The following NXN variants were observed in gnomAD, a reference collection of about 807,000 sequenced individuals.
The protein encoded by NXN is nucleoredoxin 1.
In NXN, 16 loss-of-function variants were observed where a neutral mutation model predicts 48.6. That is an observed-to-expected ratio of 0.33 (90% CI 0.22 to 0.50). NXN has a LOEUF of 0.50. Ranked by LOEUF, NXN falls within the 20% of genes least tolerant of loss-of-function variation. The probability of loss-of-function intolerance (pLI) is 0.98; values close to 1 mark genes in which losing one functional copy is unlikely to be tolerated. For missense variants in NXN, 492 were observed against 605.5 expected (o/e 0.81, Z 1.97); for synonymous variants, 281 against 269.6 (o/e 1.04, Z -0.41).
intron 1 of NXN, among the ~76,000 whole-genome samples, chr17:842,767 C>T (rs375759036): frequency 6.6e-6 from 1 of 152,094 alleles, no homozygotes; most frequent in Admixed American, 6.5e-5. Flanking sequence ...GTGAAACCCC[C>T]GTCTCTACCA....
intron 1 of NXN, among the ~76,000 whole-genome samples, chr17:855,005 G>A (rs546261018): frequency 6.6e-6 from 1 of 152,108 alleles, no homozygotes; most frequent in East Asian, 1.9e-4. Context: ...GCTGAGTGCA[G>A]AGGCTCACAC....
intron 1 of NXN, among the ~76,000 whole-genome samples, chr17:966,188 A>G (rs373239963): frequency 3.9e-5 from 6 of 152,172 alleles, no homozygotes; most frequent in African/African-American, 1.2e-4. Flanking sequence ...TCTACATAAC[A>G]TCTACAACAA....
rs2069491013 is a variant in NXN, at chr17:978,661, G to A, written c.360+658C>T. ...GCGGGGGAGGCGGGGGCGGGAGACG[G>A]AGCCGTGAGCGCCCTTCTCGGCCAC... On this transcript the variant is annotated intron_variant, in intron 1 of 7. Transcript: ENST00000336868. This position sits in a 1 kb window ranked among gnomAD's most constrained non-coding sequence, Gnocchi z 4.1. 6.6e-6 allele frequency: 1 copy of A among 152,246 alleles called. No individual in the cohort carries two copies. The highest frequency in any genetic ancestry group is 1.5e-5 in the Non-Finnish European group (1 of 68,076). The allele number at this position is 152,246 out of a possible 1,614,324, so 9.4% of individuals were successfully genotyped here.
intron 1 of NXN, among the ~76,000 whole-genome samples, chr17:960,964 T>C (rs1043285928): frequency 6.6e-6 from 1 of 151,648 alleles, no homozygotes; most frequent in Non-Finnish European, 1.5e-5. Flanking sequence ...TTTTCTATTT[T>C]TAGTAGAGAC....
rs1480725557 is a variant in NXN, at chr17:889,711, G to GAA, written c.361-63635_361-63634dup. ...GAAGAAAGAAAGAAAAAGAAAGAAA[G>GAA]AAAGAAAGAAAGAAAGAAAGAAAGA... On this transcript the variant is annotated intron_variant, in intron 1 of 7. Transcript: ENST00000336868. Among the ~76,000 whole-genome samples, 144 of 45,454 alleles carry GAA rather than the reference G, an allele frequency of 3.2e-3. 1 individual carries two copies. The highest frequency in any genetic ancestry group is 0.016 in the African/African-American group (137 of 8,488). 29.8% of individuals were successfully genotyped at this position (45,454 alleles called of 152,430 possible).
At chr17:831,206 T>G (rs1175990929) in intron 1 of NXN, among the ~76,000 whole-genome samples, 1 of 151,152 alleles carries the variant, frequency 6.6e-6, no homozygotes, top group East Asian at 2.0e-4. Context: ...ACACCTGTAA[T>G]CCCAGCACTT....
intron 7 of NXN, among the ~76,000 whole-genome samples, chr17:803,043 G>A (rs968324136): frequency 2.0e-5 from 3 of 152,206 alleles, no homozygotes; most frequent in South Asian, 2.1e-4. Context: ...TCGCGGAGAC[G>A]CCCGTCTGCA....
intron 1 of NXN, among the ~76,000 whole-genome samples, chr17:924,480 G>T (rs552820393): frequency 5.3e-5 from 8 of 152,292 alleles, no homozygotes; most frequent in Admixed American, 2.6e-4. Flanking sequence ...CAGGTGATCC[G>T]CCCACCTCGG....
intron 1 of NXN, among the ~76,000 whole-genome samples, chr17:838,197 T>A (rs1913937997): frequency 7.1e-6 from 1 of 140,544 alleles, no homozygotes; most frequent in Non-Finnish European, 1.5e-5. Context: ...AGTGGCTCGA[T>A]CTCTGCTCAC....
chr17:961,310 G>A (rs1053981438), intron 1 of NXN, among the ~76,000 whole-genome samples: 3 of 151,908 alleles, frequency 2.0e-5, no homozygotes, highest in East Asian at 1.9e-4. Context: ...GCTTGAACCC[G>A]GGAGGCAGAG....
At chr17:928,825 G>A (rs2068826379) in intron 1 of NXN, among the ~76,000 whole-genome samples, 1 of 151,410 alleles carries the variant, frequency 6.6e-6, no homozygotes, top group Admixed American at 6.6e-5. Flanking sequence ...GACAGAGTGA[G>A]ACTCTGTCTC....
At chr17:949,824 G>T (rs1413507818) in intron 1 of NXN, among the ~76,000 whole-genome samples, 1 of 151,432 alleles carries the variant, frequency 6.6e-6, no homozygotes, top group Non-Finnish European at 1.5e-5. Flanking sequence ...GAGCCACTGG[G>T]CTCAGCCTGG....
intron 1 of NXN, among the ~76,000 whole-genome samples, chr17:878,898 C>G (rs985009026): frequency 2.0e-5 from 3 of 152,168 alleles, no homozygotes; most frequent in Non-Finnish European, 2.9e-5. Flanking sequence ...GGTGCGGTGG[C>G]TCACGCCTGT....
chr17:900,913 C>CTTTT (rs11367844), intron 1 of NXN, among the ~76,000 whole-genome samples: 65 of 75,818 alleles, frequency 8.6e-4, no homozygotes, highest in Non-Finnish European at 9.9e-4. Context: ...GATCTGCATT[C>CTTTT]TTTTTTTTTT....
intron 1 of NXN, among the ~76,000 whole-genome samples, chr17:859,897 T>C (rs2068024503): frequency 6.6e-6 from 1 of 152,178 alleles, no homozygotes; most frequent in African/African-American, 2.4e-5. Flanking sequence ...CAATCTGTTC[T>C]AATGTGTCTC....
rs1162502741 is a variant in NXN at position 818,356 on chromosome 17, T to A, written c.820+1083A>T. Among the ~76,000 whole-genome samples the A allele has an allele frequency of 2.7e-5, 4 of 150,234 alleles. No individual in the cohort carries two copies. The East Asian group carries it at 5.9e-4, about 22-fold the overall frequency. On this transcript the variant is annotated intron_variant, in intron 5 of 7. Transcript: ENST00000336868. ...GAAATTGATTTTCTCACCGAGAAGG[T>A]GATACCCACTCAGCCCTCACTATCA...
chr17:976,426 G>A (rs1220562174), intron 1 of NXN, among the ~76,000 whole-genome samples: 2 of 152,126 alleles, frequency 1.3e-5, no homozygotes, highest in East Asian at 3.8e-4. Context: ...ATCCCAATGG[G>A]AAGAAGTATA....
At chr17:846,660 T>C (rs1412754883) in intron 1 of NXN, among the ~76,000 whole-genome samples, 1 of 151,860 alleles carries the variant, frequency 6.6e-6, no homozygotes, top group Non-Finnish European at 1.5e-5. Context: ...CCCAGTTGGA[T>C]AAACATTTGA....
chr17:943,728 GACAGGAGA>G (rs994417928), intron 1 of NXN, among the ~76,000 whole-genome samples: 35 of 151,980 alleles, frequency 2.3e-4, no homozygotes, highest in African/African-American at 8.2e-4. Flanking sequence ...GGGGGGCTGA[GACAGGAGA>G]ACTGCTTGAA....
Sources: gnomAD v4.1 joint callset for allele counts (sites outside exome capture counted in the v4.1 genomes callset) on GRCh38, gnomAD v4.1.1 for gene constraint, Gnocchi (gnomAD v3.1) non-coding constraint, MANE v1.5 for transcripts, NCBI Gene and HGNC (gene_info 2026-07-23, HGNC 2026-07-21) for gene names.